CFAP65: variants seen among roughly 807,000 people sequenced by gnomAD.
CFAP65 encodes the protein cilia and flagella associated protein 65.
Under a neutral mutation model 208.0 loss-of-function variants are expected in CFAP65, and 155 were observed. The ratio of observed to expected loss-of-function variants is 0.75; its 90% CI spans 0.65 to 0.85. The LOEUF (loss-of-function observed/expected upper bound fraction) is 0.85. Ranked by LOEUF, CFAP65 falls within the 40% of genes least tolerant of loss-of-function variation. The probability of loss-of-function intolerance (pLI) is 0.00; values close to 1 mark genes in which losing one functional copy is unlikely to be tolerated. For missense variants in CFAP65, 2,294 were observed against 2,451.3 expected, an observed-to-expected ratio of 0.94 and a Z score of 1.36; for synonymous variants, 970 against 986.3, an observed-to-expected ratio of 0.98 and a Z score of 0.31.
chr2:219,005,743 A>T (rs1413410534), intron 31 of CFAP65, among the ~76,000 whole-genome samples, 181 bp from the exon 32 acceptor site: 1 of 152,156 alleles, frequency 6.6e-6, no homozygotes, highest in African/African-American at 2.4e-5. Flanking sequence ...CAGAGTTAGC[A>T]CGGGAGCTAG....
intron 19 of CFAP65, 112 bp downstream of exon 19, chr2:219,021,040 C>T (rs777731206): frequency 1.6e-5 from 20 of 1,257,380 alleles, no homozygotes; most frequent in East Asian, 2.6e-5. Flanking sequence ...CAGCACACCC[C>T]ACTCACCCTG....
In CFAP65 at chr2:219,014,095, G is replaced by C. The variant is rs746002891; in HGVS notation, c.3603-51C>G. The C allele has an allele frequency of 6.6e-6, 10 of 1,513,226 alleles. No homozygotes were observed. In the South Asian group the frequency reaches 9.0e-5, roughly 14 times the overall value. 93.7% of individuals were successfully genotyped at this position (1,513,226 alleles called of 1,614,324 possible). On this transcript the variant is annotated intron_variant, in intron 21 of 34. Transcript: ENST00000341552. ...AAAGAAACTGGTCAGGCAGAACAGA[G>C]AGGCAGGGGCTCTGAGACCCTGATG...
At chr2:219,005,607 G>C in intron 31 of CFAP65, 45 bp from the exon 32 acceptor site, 1 of 1,605,468 alleles carries the variant, frequency 6.2e-7, no homozygotes, top group Non-Finnish European at 8.5e-7. Context: ...AAGCCACCAT[G>C]CTGGGGTTGG....
chr2:219,007,300 A>G (rs1559116293), intron 29 of CFAP65, among the ~76,000 whole-genome samples: 1 of 151,460 alleles, frequency 6.6e-6, no homozygotes, highest in Non-Finnish European at 1.5e-5. Context: ...CAGCCTCCCA[A>G]GTAGCTGGGA....
chr2:219,013,436 G>T lies in CFAP65; in HGVS notation c.3847-67C>A, dbSNP rs977238993. ...GGAGATCTGGACCCCAGTTCCCCAGGAGAACACAGCTCCCTGCTCCTGTCC... is the reference window on the plus strand; with the variant it reads ...GGAGATCTGGACCCCAGTTCCCCAGTAGAACACAGCTCCCTGCTCCTGTCC... On this transcript the variant is annotated intron_variant, in intron 23 of 34. Coordinates refer to ENST00000341552, the MANE Select transcript of CFAP65 (RefSeq NM_194302.4). 4.5e-6 allele frequency: 7 copies of T among 1,543,884 alleles called. No individual in the cohort carries two copies. The African/African-American group carries it at 9.5e-5, about 21-fold the overall frequency.
chr2:219,039,183 CAGATG>C, intron 2 of CFAP65, 133 bp from the exon 3 acceptor site: 1 of 743,936 alleles, frequency 1.3e-6, no homozygotes. Flanking sequence ...ATGTATATGC[CAGATG>C]CTATGTATGC....
Position 219,029,393 on chromosome 2 carries a change from C to G in CFAP65, c.1650+10G>C. 1.2e-6 allele frequency: 2 copies of G among 1,609,392 alleles called. No homozygotes were observed. The highest frequency in any genetic ancestry group is 1.7e-6 in the Non-Finnish European group (2 of 1,176,944). On this transcript the variant is annotated intron_variant, in intron 11 of 34. Transcript: ENST00000341552. ...TCCTCCCTCAGCCTCATGCCCTCCC[C>G]ACGACTCACCTGGTGGTGGATGAGA...
At chr2:219,019,434 G>T in intron 20 of CFAP65, 72 bp downstream of exon 20, 4 of 1,325,532 alleles carry the variant, frequency 3.0e-6, no homozygotes, top group Non-Finnish European at 4.2e-6. Context: ...GGGAGTCTGG[G>T]CAGAAAGCTC....
chr2:219,011,402 G>A (rs1380184449), intron 24 of CFAP65, among the ~76,000 whole-genome samples: 1 of 150,644 alleles, frequency 6.6e-6, no homozygotes, highest in Non-Finnish European at 1.5e-5. Context: ...AGCCTGCCAA[G>A]TAGCTAGGAC....
At chr2:219,014,081 T>G in intron 21 of CFAP65, 37 bp from the exon 22 acceptor site, 1 of 1,561,948 alleles carries the variant, frequency 6.4e-7, no homozygotes, top group Non-Finnish European at 8.7e-7. Flanking sequence ...AAGAAACTGG[T>G]CAGGCAGAAC....
In CFAP65 at chr2:219,019,800, A is replaced by G. The variant is rs1042616527; in HGVS notation, c.3260-81T>C. ...GGGGCATGCAGGCCAAAGGTGCAGG[A>G]GTCCTGGGCAGTTGGCCCCAGGACC... On this transcript the variant is annotated intron_variant, in intron 19 of 34. Coordinates refer to ENST00000341552, the MANE Select transcript of CFAP65 (RefSeq NM_194302.4). 4.2e-6 allele frequency: 5 copies of G among 1,186,478 alleles called. No individual in the cohort carries two copies. The African/African-American group carries it at 7.5e-5, about 18-fold the overall frequency. The allele number at this position is 1,186,478 out of a possible 1,614,324, so 73.5% of individuals were successfully genotyped here.
At chr2:219,022,927 A>G (rs1259539173) in intron 16 of CFAP65, among the ~76,000 whole-genome samples, 2 of 152,220 alleles carry the variant, frequency 1.3e-5, no homozygotes, top group Non-Finnish European at 2.9e-5. Context: ...TGGGGAGGTG[A>G]CATGCCTCTC....
At position 219,004,842 on chromosome 2, in the gene CFAP65, C is replaced by CA. The variant is rs1945827813; in HGVS notation, c.5052-388_5052-387insT. The stretch of plus-strand genomic sequence containing the variant: ...GGGGTGGGGGGGCCGGGGGGGGGGA[C>CA]CGTGGTGGGATCTTGCAAAGAAGTT... On this transcript the variant is annotated intron_variant, in intron 32 of 34. Transcript: ENST00000341552. This position sits in a 1 kb window ranked among gnomAD's most constrained non-coding sequence, Gnocchi z 4.7. Among the ~76,000 whole-genome samples the CA allele has an allele frequency of 6.6e-6, 1 of 150,662 alleles. No individual in the cohort carries two copies. Among genetic ancestry groups the CA allele is most frequent in the African/African-American group, 2.5e-5 (1 of 40,730 alleles).
At chr2:219,029,737 G>T (rs757403786) in intron 10 of CFAP65, 69 bp from the exon 11 acceptor site, 76 of 1,558,698 alleles carry the variant, frequency 4.9e-5, no homozygotes, top group Non-Finnish European at 6.5e-5. Flanking sequence ...GAAGGGAGGT[G>T]GTACTCTCAG....
chr2:219,014,242 A>C lies in CFAP65; in HGVS notation c.3603-198T>G, dbSNP rs1574556435. On this transcript the variant is annotated intron_variant, in intron 21 of 34. Coordinates refer to ENST00000341552, the MANE Select transcript of CFAP65 (RefSeq NM_194302.4). ...TCGTTTCATAATGGCCCCAAAACCCAGGAACAGACTCTGGGCCACGGCGAC... is the reference window on the plus strand; with the variant it reads ...TCGTTTCATAATGGCCCCAAAACCCCGGAACAGACTCTGGGCCACGGCGAC... 7 of 464,758 alleles carry C rather than the reference A, an allele frequency of 1.5e-5. No homozygotes were observed. The South Asian group carries it at 3.1e-4, about 20-fold the overall frequency. The allele number at this position is 464,758 out of a possible 1,614,324, so 28.8% of individuals were successfully genotyped here.
At chr2:219,011,105 A>G in intron 24 of CFAP65, 109 bp from the exon 25 acceptor site, 1 of 993,562 alleles carries the variant, frequency 1.0e-6, no homozygotes, top group Non-Finnish European at 1.5e-6. Context: ...CCATGATGTC[A>G]CCCTTTGAGT....
At chr2:219,005,391 G>A in intron 32 of CFAP65, 43 bp downstream of exon 32, 1 of 1,611,422 alleles carries the variant, frequency 6.2e-7, no homozygotes, top group Non-Finnish European at 8.5e-7. Flanking sequence ...TGAGCTGGAG[G>A]GATGCGAAGG....
chr2:219,035,226 A>G, intron 5 of CFAP65: 1 of 1,250,722 alleles, frequency 8.0e-7, no homozygotes, highest in Non-Finnish European at 1.1e-6. Context: ...AACAGTCCCA[A>G]ATAGAAACAG....
At chr2:219,011,057 TG>T in intron 24 of CFAP65, 61 bp from the exon 25 acceptor site, 1 of 1,483,700 alleles carries the variant, frequency 6.7e-7, no homozygotes, top group Admixed American at 1.8e-5. Context: ...TCAGAAAGCC[TG>T]GGATGCTGTG....
Sources: gnomAD v4.1 joint callset for allele counts (sites outside exome capture counted in the v4.1 genomes callset) on GRCh38, gnomAD v4.1.1 for gene constraint, Gnocchi (gnomAD v3.1) non-coding constraint, MANE v1.5 for transcripts, NCBI Gene and HGNC (gene_info 2026-07-23, HGNC 2026-07-21) for gene names.